Variants in FAM53A observed in about 807,000 individuals in gnomAD.
The protein encoded by FAM53A is protein FAM53A.
Under a neutral mutation model 26.6 loss-of-function variants are expected in FAM53A, and 28 were observed. The observed-to-expected ratio is 1.05, with a 90% CI of 0.78 to 1.45. The LOEUF is 1.45. Ranked by LOEUF, FAM53A falls within the 40% of genes most tolerant of loss-of-function variation. The pLI is 0.00. For missense variants in FAM53A, 650 were observed against 575.8 expected (o/e 1.13, Z -1.32); for synonymous variants, 290 against 253.1 (o/e 1.15, Z -1.38).
downstream of FAM53A, among the ~76,000 whole-genome samples, chr4:1,614,085 T>C (rs574499686): frequency 3.3e-4 from 50 of 152,202 alleles, no homozygotes; most frequent in Non-Finnish European, 4.1e-4. Context: ...ATGCGGCCAG[T>C]CACGCTGGGC....
downstream of FAM53A, among the ~76,000 whole-genome samples, chr4:1,639,627 G>A (rs1026780456): frequency 6.6e-6 from 1 of 152,148 alleles, no homozygotes; most frequent in Non-Finnish European, 1.5e-5. Flanking sequence ...GATCCCACTT[G>A]CTAAGGCCCC....
chr4:1,666,954 C>T (rs1714279610), intron 2 of FAM53A, among the ~76,000 whole-genome samples: 1 of 152,164 alleles, frequency 6.6e-6, no homozygotes, highest in Non-Finnish European at 1.5e-5. Flanking sequence ...ATGGTGAAAC[C>T]CTGTCTCTAC....
At chr4:1,592,766 G>A in the FAM53A span, among the ~76,000 whole-genome samples, 1 of 152,182 alleles carries the variant, frequency 6.6e-6, no homozygotes, top group Non-Finnish European at 1.5e-5. Flanking sequence ...AGCCCAGGCA[G>A]CCCCTGCCAT....
intron 4 of FAM53A, among the ~76,000 whole-genome samples, chr4:1,650,671 T>C (rs1266744492): frequency 6.6e-6 from 1 of 151,816 alleles, no homozygotes; most frequent in Admixed American, 6.6e-5. Flanking sequence ...AATTTTTGTA[T>C]TTTTAGTAGA....
At chr4:1,633,076 G>A (rs553655058) in intron 1 of FAM53A, among the ~76,000 whole-genome samples, 2 of 151,488 alleles carry the variant, frequency 1.3e-5, no homozygotes, top group South Asian at 2.1e-4. Flanking sequence ...ATAGGTACAC[G>A]CTCATGTGCA....
chr4:1,597,806 G>T, the FAM53A span, among the ~76,000 whole-genome samples: 3 of 152,226 alleles, frequency 2.0e-5, no homozygotes, highest in Non-Finnish European at 2.9e-5. Context: ...GACCTGCCTG[G>T]CCACCATGGT....
At chr4:1,579,015 C>G in the FAM53A span, among the ~76,000 whole-genome samples, 3 of 151,108 alleles carry the variant, frequency 2.0e-5, no homozygotes, top group East Asian at 5.9e-4. Flanking sequence ...CCCCCACCCC[C>G]GCAGGCGCAG....
At chr4:1,587,440 G>A in the FAM53A span, among the ~76,000 whole-genome samples, 1 of 152,242 alleles carries the variant, frequency 6.6e-6, no homozygotes, top group Non-Finnish European at 1.5e-5. Flanking sequence ...GAAAGGCCGA[G>A]GCAGGCAGAT....
At chr4:1,668,458 AT>A (rs918820633) in intron 2 of FAM53A, among the ~76,000 whole-genome samples, 37 of 150,838 alleles carry the variant, frequency 2.5e-4, no homozygotes, top group African/African-American at 7.3e-4. Flanking sequence ...TAATAAGTCT[AT>A]TTTTTTTTCA....
downstream of FAM53A, among the ~76,000 whole-genome samples, chr4:1,635,141 A>G (rs944322622): frequency 6.6e-6 from 1 of 152,124 alleles, no homozygotes; most frequent in Non-Finnish European, 1.5e-5. Flanking sequence ...TTTCATTCCC[A>G]GTAGTATTTA....
chr4:1,611,341 T>C, the FAM53A span, among the ~76,000 whole-genome samples: 1 of 152,086 alleles, frequency 6.6e-6, no homozygotes, highest in African/African-American at 2.4e-5. Context: ...TTCGAAGCCT[T>C]GGTGTTCAGC....
chr4:1,672,514 T>C (rs1714754207), intron 1 of FAM53A, among the ~76,000 whole-genome samples: 1 of 152,182 alleles, frequency 6.6e-6, no homozygotes, highest in Non-Finnish European at 1.5e-5. Flanking sequence ...AAATCACCAC[T>C]TGACCAATGT....
rs747659549 is a variant in FAM53A at position 1,632,741 on chromosome 4, G to A, written c.432-14630C>T. ...TTGCACGCCTGTGTATACACACCAC[G>A]CAGGCACACACTACACAGTGCTCAC... On this transcript the variant is annotated intron_variant, in intron 1 of 1. Coordinates refer to the FAM53A transcript ENST00000489029. Among the ~76,000 whole-genome samples the A allele has an allele frequency of 1.6e-4, 25 of 152,176 alleles. 1 individual carries two copies. Among genetic ancestry groups the A allele is most frequent in the African/African-American group, 3.4e-4 (14 of 41,432 alleles).
chr4:1,589,922 A>T, the FAM53A span, among the ~76,000 whole-genome samples: 2 of 152,128 alleles, frequency 1.3e-5, no homozygotes, highest in Admixed American at 6.5e-5. Context: ...CTTTATTTAC[A>T]TCTTGTTTCC....
At chr4:1,668,554 G>A in intron 2 of FAM53A, 113 bp downstream of exon 2, 2 of 1,209,212 alleles carry the variant, frequency 1.7e-6, no homozygotes, top group Non-Finnish European at 1.2e-6. Flanking sequence ...GGCCCAGCAG[G>A]GCCCCCCAGG....
chr4:1,593,414 G>GCGCCCCA, the FAM53A span, among the ~76,000 whole-genome samples: 50 of 152,176 alleles, frequency 3.3e-4, no homozygotes, highest in African/African-American at 1.2e-3. Flanking sequence ...CAGTCGCCCC[G>GCGCCCCA]CGCCCCACGC....
chr4:1,600,582 T>C, the FAM53A span, among the ~76,000 whole-genome samples: 3 of 152,118 alleles, frequency 2.0e-5, no homozygotes, highest in Admixed American at 6.5e-5. Context: ...AAAGGCGCCA[T>C]TGCTGTGGCC....
the FAM53A span, among the ~76,000 whole-genome samples, chr4:1,578,952 C>T: frequency 1.3e-5 from 2 of 149,524 alleles, no homozygotes. Context: ...GGGGTCGCCT[C>T]TCGAGGCAGA....
At chr4:1,618,050 G>C (rs1454873833) in exon 2 of FAM53A, 1 of 456,270 alleles carries the variant, frequency 2.2e-6, no homozygotes, top group Non-Finnish European at 4.4e-6. Flanking sequence ...CGTGAAGATG[G>C]GAAGATGGAG....
Sources: allele counts gnomAD v4.1 joint callset (sites outside exome capture counted in the v4.1 genomes callset), GRCh38; gene constraint gnomAD v4.1.1; transcripts MANE v1.5; gene names NCBI Gene and HGNC (gene_info 2026-07-23, HGNC 2026-07-21).